Variants in CNOT6 observed in about 807,000 individuals in gnomAD.
The protein encoded by CNOT6 is carbon catabolite repression 4 protein.
A neutral mutation model predicts 61.2 loss-of-function variants in CNOT6; 12 were observed. The ratio of observed to expected loss-of-function variants is 0.20; its 90% CI spans 0.13 to 0.32. The LOEUF (loss-of-function observed/expected upper bound fraction) is 0.32, where lower values mean the gene tolerates loss of function less well. Among genes scored for constraint, CNOT6 ranks in the 10% least tolerant of loss-of-function variants. CNOT6 has a pLI of 1.00. For missense variants in CNOT6, 405 were observed against 663.9 expected (o/e 0.61, Z 4.28); for synonymous variants, 225 against 240.6 (o/e 0.94, Z 0.60).
At chr5:180,512,959 G>A (rs1304956537) in intron 1 of CNOT6, among the ~76,000 whole-genome samples, 7 of 149,454 alleles carry the variant, frequency 4.7e-5, no homozygotes, top group Admixed American at 3.3e-4. Flanking sequence ...GCAGTGGTGC[G>A]ATCTCGGCTC....
intron 1 of CNOT6, among the ~76,000 whole-genome samples, chr5:180,520,924 A>G (rs1757855393): frequency 6.6e-6 from 1 of 150,824 alleles, no homozygotes; most frequent in African/African-American, 2.4e-5. Context: ...AGCTCATTGC[A>G]ACTTCTGCCT....
chr5:180,559,481 C>G (rs1237957521), intron 4 of CNOT6, among the ~76,000 whole-genome samples: 1 of 152,062 alleles, frequency 6.6e-6, no homozygotes, highest in Non-Finnish European at 1.5e-5. Context: ...CCTTTCTTGC[C>G]TCTATTATTA....
At chr5:180,503,242 T>C (rs1756960545) in intron 1 of CNOT6, among the ~76,000 whole-genome samples, 1 of 151,782 alleles carries the variant, frequency 6.6e-6, no homozygotes. Flanking sequence ...GATGCAGGTC[T>C]GACTCTAGTT....
chr5:180,498,875 C>T (rs1047191466), intron 1 of CNOT6, among the ~76,000 whole-genome samples: 7 of 152,190 alleles, frequency 4.6e-5, no homozygotes, highest in East Asian at 1.9e-4. Flanking sequence ...CTGCAACCTC[C>T]GCCTCCTGGG....
intron 11 of CNOT6, among the ~76,000 whole-genome samples, chr5:180,572,714 T>C (rs1440982954): frequency 7.4e-6 from 1 of 135,514 alleles, no homozygotes; most frequent in Non-Finnish European, 1.7e-5. Context: ...CATACCCAGA[T>C]CTTTTTTTTT....
chr5:180,506,282 A>G (rs1757129049), intron 1 of CNOT6, among the ~76,000 whole-genome samples: 1 of 152,328 alleles, frequency 6.6e-6, no homozygotes, highest in East Asian at 1.9e-4. Flanking sequence ...CAGGTAAATT[A>G]TTGCATAGTA....
intron 1 of CNOT6, among the ~76,000 whole-genome samples, chr5:180,503,356 T>C (rs1756972235): frequency 6.6e-6 from 1 of 150,768 alleles, no homozygotes; most frequent in Non-Finnish European, 1.5e-5. Flanking sequence ...CTCTGCCTCC[T>C]GGGTTCAAGC....
chr5:180,546,763 A>G (rs997530009), intron 2 of CNOT6, among the ~76,000 whole-genome samples: 1 of 152,188 alleles, frequency 6.6e-6, no homozygotes, highest in Admixed American at 6.5e-5. Flanking sequence ...CTAATTTCCT[A>G]TCAGGTAGAT....
At chr5:180,500,146 T>C (rs116593597) in intron 1 of CNOT6, among the ~76,000 whole-genome samples, 2,857 of 152,152 alleles carry the variant, frequency 0.019, 100 homozygotes, top group African/African-American at 0.066. Flanking sequence ...TTTCCTTTTC[T>C]TTCTTGACAG....
At chr5:180,549,466 C>T (rs562511839) in intron 2 of CNOT6, among the ~76,000 whole-genome samples, 28 of 152,012 alleles carry the variant, frequency 1.8e-4, no homozygotes, top group Non-Finnish European at 3.5e-4. Context: ...TTGTTAACAC[C>T]GTGAAACCCC....
At chr5:180,538,914 G>A (rs893953824) in intron 2 of CNOT6, among the ~76,000 whole-genome samples, 17 of 151,442 alleles carry the variant, frequency 1.1e-4, no homozygotes, top group African/African-American at 4.1e-4. Context: ...GGTAGCTTAC[G>A]CCTATAATCC....
At chr5:180,505,768 T>C (rs1757110370) in intron 1 of CNOT6, among the ~76,000 whole-genome samples, 1 of 152,148 alleles carries the variant, frequency 6.6e-6, no homozygotes, top group African/African-American at 2.4e-5. Context: ...CAGGATAGTG[T>C]TGATCTCCTG....
chr5:180,555,112 T>C (rs1056791673), intron 4 of CNOT6, among the ~76,000 whole-genome samples: 25 of 151,874 alleles, frequency 1.6e-4, no homozygotes, highest in African/African-American at 3.4e-4. Context: ...GTTGAAGCAA[T>C]TCTTCTGCTT....
intron 1 of CNOT6, among the ~76,000 whole-genome samples, chr5:180,506,944 A>C (rs1757156722): frequency 6.6e-6 from 1 of 152,206 alleles, no homozygotes; most frequent in Non-Finnish European, 1.5e-5. Context: ...GAGATAAAAA[A>C]ATACTAAGGC....
intron 10 of CNOT6, among the ~76,000 whole-genome samples, chr5:180,570,012 C>A (rs1227178066): frequency 1.3e-5 from 2 of 152,152 alleles, no homozygotes; most frequent in African/African-American, 2.4e-5. Flanking sequence ...AACACACACA[C>A]ACGCACATTT....
At chr5:180,550,216 A>G in intron 3 of CNOT6, 99 bp downstream of exon 3, 1 of 830,808 alleles carries the variant, frequency 1.2e-6, no homozygotes, top group Non-Finnish European at 1.9e-6. Context: ...GCGTTTTGGG[A>G]GGCTGCGAGA....
chr5:180,535,603 T>C (rs914685903), intron 2 of CNOT6, among the ~76,000 whole-genome samples: 10 of 152,238 alleles, frequency 6.6e-5, no homozygotes, highest in African/African-American at 2.4e-4. Context: ...CTATTGTGAA[T>C]AGTGCTACAA....
chr5:180,526,572 A>G (rs1370918188), intron 1 of CNOT6, among the ~76,000 whole-genome samples: 1 of 152,116 alleles, frequency 6.6e-6, no homozygotes, highest in Admixed American at 6.6e-5. Context: ...CATCTAGGAG[A>G]AGGGGATAGA....
chr5:180,541,440 A>ATTTTTTTT (rs1176286473), intron 2 of CNOT6, among the ~76,000 whole-genome samples: 1,777 of 102,736 alleles, frequency 0.017, 301 homozygotes, highest in African/African-American at 0.028. Context: ...CTGGCCAAGA[A>ATTTTTTTT]ATTTTTTTTT....
Sources: allele counts gnomAD v4.1 joint callset (sites outside exome capture counted in the v4.1 genomes callset), GRCh38; gene constraint gnomAD v4.1.1; transcripts MANE v1.5; gene names NCBI Gene and HGNC (gene_info 2026-07-23, HGNC 2026-07-21).